Variants in L3MBTL4 observed in about 807,000 individuals in gnomAD.
L3MBTL4 encodes the protein L3MBTL histone methyl-lysine binding protein 4.
L3MBTL4 carries 70 observed loss-of-function variants against 84.5 expected under a neutral mutation model. The ratio of observed to expected loss-of-function variants is 0.83; its 90% CI spans 0.68 to 1.01. The LOEUF is 1.01. Among genes scored for constraint, L3MBTL4 ranks in the 50% least tolerant of loss-of-function variants. The probability of loss-of-function intolerance (pLI) is 0.00; values close to 1 mark genes in which losing one functional copy is unlikely to be tolerated. For synonymous variants in L3MBTL4, 274 were observed against 259.8 expected, an observed-to-expected ratio of 1.05 and a Z score of -0.52; for missense variants, 715 against 754.8, an observed-to-expected ratio of 0.95 and a Z score of 0.62.
intron 4 of L3MBTL4, among the ~76,000 whole-genome samples, chr18:6,299,942 C>A (rs1792874727): frequency 1.3e-5 from 2 of 152,042 alleles, no homozygotes; most frequent in African/African-American, 4.8e-5. Context: ...AAAGTGCTAG[C>A]ATTACGGGCA....
intron 3 of L3MBTL4, among the ~76,000 whole-genome samples, chr18:6,310,149 C>A (rs1294439242): frequency 3.9e-5 from 6 of 152,208 alleles, no homozygotes; most frequent in African/African-American, 1.4e-4. Flanking sequence ...CACATCAAAT[C>A]CTGAGTCTCC....
intron 16 of L3MBTL4, among the ~76,000 whole-genome samples, chr18:5,986,547 TGTTA>T (rs1372028250): frequency 6.6e-6 from 1 of 152,252 alleles, no homozygotes; most frequent in Non-Finnish European, 1.5e-5. Context: ...CTTTGATGGC[TGTTA>T]ATTTTTCTTT....
intron 16 of L3MBTL4, chr18:6,031,815 T>G (rs1324594602): frequency 2.2e-5 from 20 of 899,670 alleles, no homozygotes; most frequent in Admixed American, 2.0e-4. Flanking sequence ...TTCATGGTTT[T>G]TTTTTTTTTT....
chr18:6,323,514 A>C (rs1369542191), intron 1 of L3MBTL4, among the ~76,000 whole-genome samples: 1 of 152,250 alleles, frequency 6.6e-6, no homozygotes, highest in Non-Finnish European at 1.5e-5. Flanking sequence ...TCACTTTGTT[A>C]AGCACTAGCG....
At position 6,153,677 on chromosome 18, in the gene L3MBTL4, G is replaced by A. The variant is rs369034405; in HGVS notation, c.1097-15381C>T. Among the ~76,000 whole-genome samples the A allele has an allele frequency of 8.5e-4, 129 of 152,168 alleles. 2 individuals carry two copies. In the South Asian group the frequency reaches 0.025, roughly 30 times the overall value. ...TCAAATTGCAATCCCCATGTGTTGA[G>A]GGAGGAAGGTGATTGGATCATAAGG... On this transcript the variant is annotated intron_variant, in intron 13 of 18. Transcript: ENST00000317931.
chr18:6,196,062 A>C (rs1456247673), intron 12 of L3MBTL4, among the ~76,000 whole-genome samples: 6 of 150,440 alleles, frequency 4.0e-5, no homozygotes, highest in Non-Finnish European at 8.8e-5. Context: ...CCTGCCACAC[A>C]CCCAGGAGAA....
intron 13 of L3MBTL4, among the ~76,000 whole-genome samples, chr18:6,157,347 C>T (rs2043146245): frequency 6.6e-6 from 1 of 152,162 alleles, no homozygotes; most frequent in African/African-American, 2.4e-5. Flanking sequence ...GACATCCATC[C>T]ATCATCATAT....
chr18:6,239,403 A>T (rs1805572429), intron 9 of L3MBTL4, among the ~76,000 whole-genome samples: 1 of 151,774 alleles, frequency 6.6e-6, no homozygotes, highest in Admixed American at 6.6e-5. Context: ...AAAAAAAAAA[A>T]ATGCTGAAAG....
intron 17 of L3MBTL4, among the ~76,000 whole-genome samples, chr18:5,968,921 C>T (rs528489895): frequency 1.5e-4 from 23 of 152,258 alleles, no homozygotes; most frequent in African/African-American, 5.5e-4. Context: ...CCTGCTCTGC[C>T]ATGAGTGTGC....
intron 3 of L3MBTL4, among the ~76,000 whole-genome samples, chr18:6,309,371 C>T (rs1017305503): frequency 9.8e-5 from 15 of 152,304 alleles, no homozygotes; most frequent in African/African-American, 3.6e-4. Flanking sequence ...ACTAAATGTG[C>T]ATCTTTTCAA....
Position 6,171,904 on chromosome 18 carries a change from C to A in L3MBTL4, c.1020G>T (p.Trp340Cys), listed in dbSNP as rs1032034145. The change falls in exon 13 of 19, where the codon TGG becomes TGT. Residue 340 changes from tryptophan to cysteine, a missense_variant. Transcript: ENST00000317931. ...GGATATCAGGGCTGTCTGCCTCCAC[C>A]CAGTAGTCATACTTATGGTCCCAAC... is the stretch of plus-strand genomic sequence containing the variant. ...FDGWDHKYDY[W>C]VEADSPDIHP... is the part of the protein sequence containing the mutation. 6 of 1,556,438 alleles carry A rather than the reference C, an allele frequency of 3.9e-6. No homozygotes were observed. The African/African-American group carries it at 6.8e-5, about 18-fold the overall frequency.
intron 16 of L3MBTL4, among the ~76,000 whole-genome samples, chr18:6,017,387 G>A (rs1009427129): frequency 5.9e-5 from 9 of 152,174 alleles, no homozygotes; most frequent in Non-Finnish European, 7.3e-5. Context: ...TGACACTGAC[G>A]CTGAGTCACA....
At chr18:6,224,605 G>A (rs1366139975) in intron 10 of L3MBTL4, among the ~76,000 whole-genome samples, 1 of 152,134 alleles carries the variant, frequency 6.6e-6, no homozygotes, top group African/African-American at 2.4e-5. Flanking sequence ...CCACTCCCAT[G>A]GCCAGGATCT....
At chr18:5,965,887 G>A (rs778954043) in intron 17 of L3MBTL4, among the ~76,000 whole-genome samples, 4 of 152,128 alleles carry the variant, frequency 2.6e-5, no homozygotes, top group Non-Finnish European at 5.9e-5. Context: ...CATCCCTGAC[G>A]GAAGACAAGG....
chr18:6,046,618 T>C, intron 16 of L3MBTL4: 1 of 616,622 alleles, frequency 1.6e-6, no homozygotes, highest in Non-Finnish European at 2.9e-6. Context: ...AACCACACAT[T>C]ACATGGAAAT....
At chr18:6,114,791 C>T (rs772182237) in intron 14 of L3MBTL4, among the ~76,000 whole-genome samples, 30 of 152,224 alleles carry the variant, frequency 2.0e-4, no homozygotes, top group Non-Finnish European at 3.4e-4. Context: ...GTGCCAGGCA[C>T]TCTGTGAGGA....
chr18:6,351,620 C>T (rs972738381), intron 1 of L3MBTL4, among the ~76,000 whole-genome samples: 2 of 151,684 alleles, frequency 1.3e-5, no homozygotes, highest in African/African-American at 2.4e-5. Context: ...GGCGTGATCT[C>T]GGCTCACTGC....
chr18:6,245,032 C>G (rs2047600879), intron 5 of L3MBTL4, among the ~76,000 whole-genome samples: 1 of 152,136 alleles, frequency 6.6e-6, no homozygotes, highest in South Asian at 2.1e-4. Context: ...GTCTCAGCCT[C>G]CCGAATAGCT....
At chr18:6,312,686 G>C (rs1568475293) in intron 1 of L3MBTL4, among the ~76,000 whole-genome samples, 1 of 152,186 alleles carries the variant, frequency 6.6e-6, no homozygotes, top group Non-Finnish European at 1.5e-5. Flanking sequence ...GTCTGAGCCA[G>C]AGAACTAGGA....
Sources: gnomAD v4.1 joint callset for allele counts (sites outside exome capture counted in the v4.1 genomes callset) on GRCh38, gnomAD v4.1.1 for gene constraint, MANE v1.5 for transcripts, NCBI Gene and HGNC (gene_info 2026-07-23, HGNC 2026-07-21) for gene names.